The following PRKD2 variants were observed in gnomAD, a reference collection of about 807,000 sequenced individuals.
The protein encoded by PRKD2 is serine/threonine-protein kinase D2.
Under a neutral mutation model 86.0 loss-of-function variants are expected in PRKD2, and 22 were observed. The observed-to-expected ratio is 0.26, with a 90% CI of 0.18 to 0.37. PRKD2 has a LOEUF of 0.37. Ranked by LOEUF, PRKD2 falls within the 10% of genes least tolerant of loss-of-function variation. The probability of loss-of-function intolerance (pLI) is 1.00; values close to 1 mark genes in which losing one functional copy is unlikely to be tolerated. For missense variants in PRKD2, 818 were observed against 1,199.2 expected (o/e 0.68, Z 4.70); for synonymous variants, 509 against 510.9 (o/e 1.00, Z 0.05).
intron 7 of PRKD2, among the ~76,000 whole-genome samples, chr19:46,699,213 C>A (rs564370181): frequency 6.6e-6 from 1 of 152,152 alleles, no homozygotes; most frequent in African/African-American, 2.4e-5. Flanking sequence ...CAGAGCCCCA[C>A]AAGGCTCCTT....
Position 46,678,726 on chromosome 19 carries a change from C to T in PRKD2, c.2071-63G>A. On this transcript the variant is annotated intron_variant, in intron 15 of 17. Transcript: ENST00000291281. This position sits in a 1 kb window ranked among gnomAD's most constrained non-coding sequence, Gnocchi z 5.7. ...GGAGCCGCACCCACCCCAGCATCCC[C>T]ACCACACCACCCTCCATGGTATTCC... The T allele has an allele frequency of 6.6e-7, 1 of 1,518,616 alleles. No individual in the cohort carries two copies. The highest frequency in any genetic ancestry group is 1.2e-5 in the South Asian group (1 of 82,502). The allele number at this position is 1,518,616 out of a possible 1,614,324, so 94.1% of individuals were successfully genotyped here. A position where few individuals can be genotyped will look rare whatever the true frequency, so the allele number is the denominator to read the frequency against.
At chr19:46,692,901 T>C (rs533975982) in intron 10 of PRKD2, among the ~76,000 whole-genome samples, 4 of 152,262 alleles carry the variant, frequency 2.6e-5, no homozygotes, top group Admixed American at 2.0e-4. Context: ...TAGGACCAAG[T>C]TGGATTACTC....
intron 2 of PRKD2, among the ~76,000 whole-genome samples, chr19:46,713,378 C>T (rs943886571): frequency 1.3e-5 from 2 of 151,822 alleles, no homozygotes; most frequent in African/African-American, 2.4e-5. Flanking sequence ...AGATCCAACT[C>T]CTTCTTCTCC....
In PRKD2 at chr19:46,704,320, A is replaced by G. The variant is rs751876550; in HGVS notation, c.738T>C (p.Tyr246=). The change falls in exon 5 of 18, where the codon TAT becomes TAC. Residue 246 remains tyrosine, a synonymous_variant. Transcript: ENST00000291281. ...SSSSSSSASS[Y]TGRPIELDKM... is the part of the protein sequence containing the mutation. ...TGTCCAGCTCAATGGGGCGGCCCGT[A>G]TACGATGAGGCAGAAGAGGAGGAAG... is the stretch of plus-strand genomic sequence containing the variant. 4 of 1,614,186 alleles carry G rather than the reference A, an allele frequency of 2.5e-6. No individual in the cohort carries two copies. The highest frequency in any genetic ancestry group is 2.5e-6 in the Non-Finnish European group (3 of 1,180,036).
In PRKD2 at chr19:46,690,606, A is replaced by G. The variant is rs1285874369; in HGVS notation, c.1803T>C (p.Ile601=). The G allele has an allele frequency of 2.5e-5, 41 of 1,614,150 alleles. No individual in the cohort carries two copies. The highest frequency in any genetic ancestry group is 3.5e-5 in the Non-Finnish European group (41 of 1,179,982). ...QESQLRNEVA[I]LQSLRHPGIV... is the part of the protein sequence containing the mutation. ...AAGGCGGCCTGGTGGTTACCTGCAG[A>G]ATGGCCACTTCATTCCGGAGCTGGC... The change falls in exon 13 of 18, where the codon ATT becomes ATC. Residue 601 remains isoleucine (I), a synonymous_variant. Coordinates refer to ENST00000291281, the MANE Select transcript of PRKD2 (RefSeq NM_016457.5).
At position 46,678,013 on chromosome 19, in the gene PRKD2, G is replaced by T. The variant is rs2122549449; in HGVS notation, c.2338+383C>A. Reference sequence around the variant, plus strand: ...TGGGGTCGTAAACCCAAAGGCTCCAGGTCCCAGCCAATGCCTTGGGAGGCT... The same window carrying T: ...TGGGGTCGTAAACCCAAAGGCTCCATGTCCCAGCCAATGCCTTGGGAGGCT... On this transcript the variant is annotated intron_variant, in intron 16 of 17. Coordinates refer to ENST00000291281, the MANE Select transcript of PRKD2 (RefSeq NM_016457.5). This position sits in a 1 kb window ranked among gnomAD's most constrained non-coding sequence, Gnocchi z 5.7. Among the ~76,000 whole-genome samples the T allele has an allele frequency of 6.6e-6, 1 of 152,254 alleles. No homozygotes were observed. Among genetic ancestry groups the T allele is most frequent in the South Asian group, 2.1e-4 (1 of 4,828 alleles).
chr19:46,711,324 G>A (rs1482476261), intron 2 of PRKD2, among the ~76,000 whole-genome samples: 1 of 152,190 alleles, frequency 6.6e-6, no homozygotes. Context: ...TCTGGAGACC[G>A]GCTGCACAAC....
At chr19:46,713,614 CTTAT>C (rs1479689649) in intron 2 of PRKD2, among the ~76,000 whole-genome samples, 1 of 150,170 alleles carries the variant, frequency 6.7e-6, no homozygotes, top group African/African-American at 2.4e-5. Context: ...CCCAACTCTC[CTTAT>C]TTTTTTTTTT....
In PRKD2 at chr19:46,688,555, G is replaced by A. The variant is rs1157318834; in HGVS notation, c.1971+982C>T. 2.0e-5 allele frequency among the ~76,000 whole-genome samples: 3 copies of A among 150,868 alleles called. 1 individual carries two copies. The highest frequency in any genetic ancestry group is 4.4e-5 in the Non-Finnish European group (3 of 67,834). On this transcript the variant is annotated intron_variant, in intron 14 of 17. Coordinates refer to ENST00000291281, the MANE Select transcript of PRKD2 (RefSeq NM_016457.5). ...GGGCTCAAGGGATTCTCCTGCCTCA[G>A]CCTCCCAAGTAGCTATGATTACAGG... is the stretch of plus-strand genomic sequence containing the variant.
chr19:46,677,269 C>T (rs113702466), intron 16 of PRKD2: 1,613 of 152,796 alleles, frequency 0.011, 29 homozygotes, highest in African/African-American at 0.036. Flanking sequence ...CCACCCTTCG[C>T]GGACCACTCA....
At chr19:46,710,235 C>T (rs960921451) in intron 3 of PRKD2, 1 of 152,338 alleles carries the variant, frequency 6.6e-6, no homozygotes, top group African/African-American at 2.4e-5. Flanking sequence ...CTCTGTCACC[C>T]AGGCTGGTGT....
intron 14 of PRKD2, among the ~76,000 whole-genome samples, chr19:46,688,378 A>T (rs2122634528): frequency 6.6e-6 from 1 of 151,418 alleles, no homozygotes; most frequent in South Asian, 2.1e-4. Flanking sequence ...AAAAATAGCT[A>T]TCATTACCGC....
Position 46,691,966 on chromosome 19 carries a change from G to A in PRKD2, c.1596C>T (p.Ile532=). 1.2e-6 allele frequency: 2 copies of A among 1,614,060 alleles called. No homozygotes were observed. The highest frequency in any genetic ancestry group is 1.1e-5 in the South Asian group (1 of 91,086). Residue 532 remains isoleucine, a synonymous_variant, in exon 11 of 18, where the codon ATC becomes ATT. Coordinates refer to ENST00000291281, the MANE Select transcript of PRKD2 (RefSeq NM_016457.5). ...CTTGGATCTGACTGTTGGACACAGAGATGCTCAGAGAAGCTTGTCCTAGGG... is the reference window on the plus strand; with the variant it reads ...CTTGGATCTGACTGTTGGACACAGAAATGCTCAGAGAAGCTTGTCCTAGGG... ...HAPHRQASLS[I]SVSNSQIQEN... is the part of the protein sequence containing the mutation.
chr19:46,698,254 C>T (rs921085133), intron 7 of PRKD2, among the ~76,000 whole-genome samples: 6 of 152,056 alleles, frequency 3.9e-5, no homozygotes, highest in African/African-American at 1.4e-4. Context: ...GCCTCAACTC[C>T]TTCCCTAACT....
chr19:46,712,936 A>G (rs1308913363), intron 2 of PRKD2, among the ~76,000 whole-genome samples: 2 of 152,164 alleles, frequency 1.3e-5, no homozygotes, highest in East Asian at 3.8e-4. Flanking sequence ...TGCAGATTCC[A>G]TCTCACTTTG....
chr19:46,697,986 C>T, intron 7 of PRKD2, 136 bp from the exon 8 acceptor site: 1 of 698,208 alleles, frequency 1.4e-6, no homozygotes, highest in East Asian at 2.7e-5. Context: ...ACATTTTCCC[C>T]CCAACACACA....
chr19:46,674,776 G>A (rs1453564245), intron 17 of PRKD2, 41 bp from the exon 18 acceptor site: 1 of 1,572,462 alleles, frequency 6.4e-7, no homozygotes, highest in African/African-American at 1.3e-5. Context: ...GGTCTGCATT[G>A]GAGCAGTGCC....
intron 2 of PRKD2, 139 bp from the exon 3 acceptor site, chr19:46,711,177 AC>A: frequency 8.0e-7 from 1 of 1,246,664 alleles, no homozygotes; most frequent in Non-Finnish European, 1.1e-6. Flanking sequence ...CTCTCATACT[AC>A]ATTCTGCCTG....
At chr19:46,708,247 G>T (rs912301330) in intron 3 of PRKD2, among the ~76,000 whole-genome samples, 1 of 151,542 alleles carries the variant, frequency 6.6e-6, no homozygotes, top group Admixed American at 6.6e-5. Flanking sequence ...TGCCTTTATG[G>T]AGGTAATTAA....
Sources: allele counts gnomAD v4.1 joint callset (sites outside exome capture counted in the v4.1 genomes callset), GRCh38; gene constraint gnomAD v4.1.1; non-coding constraint Gnocchi (gnomAD v3.1); transcripts MANE v1.5; gene names NCBI Gene and HGNC (gene_info 2026-07-23, HGNC 2026-07-21).